The following DECR2 variants were observed in gnomAD, a reference collection of about 807,000 sequenced individuals.
The protein encoded by DECR2 is 2,4-dienoyl-CoA reductase 2, also known as peroxisomal 2,4-dienoyl-CoA reductase [(3E)-enoyl-CoA-producing].
Under a neutral mutation model 29.2 loss-of-function variants are expected in DECR2, and 34 were observed. The observed-to-expected ratio is 1.16, with a 90% confidence interval of 0.89 to 1.55. The LOEUF is 1.55. DECR2 is among the 40% of genes most tolerant of loss of function. DECR2 has a pLI of 0.00. For missense variants in DECR2, 485 were observed against 425.3 expected, an observed-to-expected ratio of 1.14 and a Z score of -1.23; for synonymous variants, 224 against 182.7, an observed-to-expected ratio of 1.23 and a Z score of -1.82.
In DECR2 at chr16:411,567, G is replaced by A. The variant is rs2054820090; in HGVS notation, c.868G>A (p.Ala290Thr). The A allele has an allele frequency of 9.3e-6, 15 of 1,612,514 alleles. No homozygotes were observed. The highest frequency in any genetic ancestry group is 1.3e-5 in the African/African-American group (1 of 75,074). ...KGLPDFASFS[A>T]KL Reference sequence around the variant, plus strand: ...GCTGCCGGATTTCGCATCCTTCTCTGCTAAGCTCTAGGTGAGGTACTGCTC... The same window carrying A: ...GCTGCCGGATTTCGCATCCTTCTCTACTAAGCTCTAGGTGAGGTACTGCTC... The change falls in exon 8 of 9, where the codon GCT (alanine) becomes ACT (threonine). Residue 290 changes from alanine (A) to threonine (T), a missense_variant. Ala to Thr is a moderately conservative substitution (Grantham distance 58, BLOSUM62 0). Transcript: ENST00000219481.
At chr16:407,249 C>A in intron 3 of DECR2, 176 bp from the exon 4 acceptor site, 2 of 1,416,416 alleles carry the variant, frequency 1.4e-6, no homozygotes, top group Non-Finnish European at 1.8e-6. Context: ...GGCAGGTTCC[C>A]ACAAACATCC....
chr16:411,827 C>T (rs897881227), intron 8 of DECR2, 63 bp from the exon 9 acceptor site: 1 of 481,706 alleles, frequency 2.1e-6, no homozygotes, highest in Non-Finnish European at 3.6e-6. Flanking sequence ...GTGGCCGAGG[C>T]AGCCGAGGTG....
chr16:410,349 C>CT lies in DECR2; in HGVS notation c.445dup (p.Tyr149LeufsTer2). 1 of 1,610,180 alleles carries CT rather than the reference C, an allele frequency of 6.2e-7. No homozygotes were observed. The highest frequency in any genetic ancestry group is 1.1e-5 in the South Asian group (1 of 90,986). ...GCACCTTCAATGTGTCTCGTGTGCT[C>CT]TATGAGAAGTTCTTCCGGGTGGGTG... On this transcript the variant is annotated frameshift_variant, in exon 5 of 9. Coordinates refer to ENST00000219481, the MANE Select transcript of DECR2 (RefSeq NM_020664.4). LOFTEE classifies it high-confidence loss of function. This position sits in a 1 kb window ranked among gnomAD's most constrained non-coding sequence, Gnocchi z 4.1.
rs2054802332 is a variant in DECR2 at position 410,542 on chromosome 16, C to CCTG, written c.463-149_463-148insCTG. 114 of 1,470,404 alleles carry CCTG rather than the reference C, an allele frequency of 7.8e-5. 8 individuals are homozygous for CCTG. Among genetic ancestry groups the CCTG allele is most frequent in the South Asian group, 2.1e-4 (17 of 81,006 alleles). The allele number at this position is 1,470,404 out of a possible 1,614,324, so 91.1% of individuals were successfully genotyped here. A position where few individuals can be genotyped will look rare whatever the true frequency, so the allele number is the denominator to read the frequency against. ...GCCCGCTCCCTGCCCTGGGCCTCCC[C>CCTG]ATGACGGCCGCCCGCTCCCTGCCCT... On this transcript the variant is annotated intron_variant, in intron 5 of 8. Transcript: ENST00000219481. The surrounding 1 kb of genome is among the most constrained non-coding windows in gnomAD (Gnocchi z 4.1).
rs559915457 is a variant in DECR2 at position 410,252 on chromosome 16, G to A, written c.347G>A (p.Gly116Glu). 1.9e-6 allele frequency: 3 copies of A among 1,613,122 alleles called. No individual in the cohort carries two copies. Among genetic ancestry groups the A allele is most frequent in the Non-Finnish European group, 2.5e-6 (3 of 1,179,666 alleles). The part of the protein sequence containing the change: ...RIDILINCAA[G>E]NFLCPAGALS... ...GTCTCCCATTCTGCAGGTGCGGCCG[G>A]GAACTTCCTGTGCCCCGCTGGCGCC... is the stretch of plus-strand genomic sequence containing the variant. Residue 116 changes from glycine to glutamate, a missense_variant, in exon 5 of 9, where the codon GGG becomes GAG. Gly to Glu is a moderately conservative substitution (Grantham distance 98). Coordinates refer to ENST00000219481, the MANE Select transcript of DECR2 (RefSeq NM_020664.4). The surrounding 1 kb of genome is among the most constrained non-coding windows in gnomAD (Gnocchi z 4.1).
chr16:402,029 C>G lies in DECR2; in HGVS notation c.66C>G (p.Cys22Trp). 6.8e-7 allele frequency: 1 copy of G among 1,474,662 alleles called. No homozygotes were observed. The highest frequency in any genetic ancestry group is 8.9e-7 in the Non-Finnish European group (1 of 1,118,196). The allele number at this position is 1,474,662 out of a possible 1,614,324, so 91.3% of individuals were successfully genotyped here. A position where few individuals can be genotyped will look rare whatever the true frequency, so the allele number is the denominator to read the frequency against. ...TCCCCGCGTACCGCCACCTCTTCTG[C>G]CCGGACCTGCTGCGGTGAGCGGGGC... ...DCLPAYRHLFCPDLLRDKVAF... is the reference protein window; with the variant it reads ...DCLPAYRHLFWPDLLRDKVAF... Residue 22 changes from cysteine to tryptophan, a missense_variant, in exon 1 of 9, where the codon TGC becomes TGG. Cys to Trp is a radical substitution (Grantham distance 215). Transcript: ENST00000219481.
chr16:410,872 T>C lies in DECR2; in HGVS notation c.556+88T>C, dbSNP rs891245056. The C allele has an allele frequency of 1.3e-6, 2 of 1,516,752 alleles. No individual in the cohort carries two copies. The highest frequency in any genetic ancestry group is 1.8e-6 in the Non-Finnish European group (2 of 1,122,034). The allele number at this position is 1,516,752 out of a possible 1,614,324, so 94.0% of individuals were successfully genotyped here. A position where few individuals can be genotyped will look rare whatever the true frequency, so the allele number is the denominator to read the frequency against. On this transcript the variant is annotated intron_variant, in intron 6 of 8. Coordinates refer to ENST00000219481, the MANE Select transcript of DECR2 (RefSeq NM_020664.4). The surrounding 1 kb of genome is among the most constrained non-coding windows in gnomAD (Gnocchi z 4.1). ...ATCCCAGGAGGCCAGCAGTCTCCAC[T>C]TGAAGCTGAGCCCAGCTGCAGGCAG...
chr16:407,765 CG>C lies in DECR2; in HGVS notation c.337+208del, dbSNP rs2054744991. Among the ~76,000 whole-genome samples, 22 of 146,182 alleles carry C rather than the reference CG, an allele frequency of 1.5e-4. 1 individual carries two copies. The highest frequency in any genetic ancestry group is 1.5e-3 in the East Asian group (7 of 4,810). On this transcript the variant is annotated intron_variant, in intron 4 of 8. Coordinates refer to ENST00000219481, the MANE Select transcript of DECR2 (RefSeq NM_020664.4). ...GGCCCCATCTCCGGCCCCCTGTCTC[CG>C]GGCCCCTGTCTCCGGGCCTCTGTCT...
At chr16:405,404 G>T in intron 2 of DECR2, 1 of 661,920 alleles carries the variant, frequency 1.5e-6, no homozygotes, top group South Asian at 1.9e-5. Context: ...AGGCTGGGGT[G>T]GGGGAAAGGG....
At chr16:411,828 A>C (rs2054823282) in intron 8 of DECR2, 62 bp from the exon 9 acceptor site, 2 of 481,282 alleles carry the variant, frequency 4.2e-6, no homozygotes, top group East Asian at 3.5e-5. Flanking sequence ...TGGCCGAGGC[A>C]GCCGAGGTGT....
At chr16:407,892 CCTGTCTCCGGGCCT>C (rs2054749921) in intron 4 of DECR2, among the ~76,000 whole-genome samples, 1 of 145,398 alleles carries the variant, frequency 6.9e-6, no homozygotes, top group African/African-American at 2.6e-5. Flanking sequence ...TCTCCGGCCC[CCTGTCTCCGGGCCT>C]CTGTCTCCGG....
chr16:410,944 CT>C lies in DECR2; in HGVS notation c.557-25del. ...CGCCCTCGCAGAGGGCAGAGCGGCC[CT>C]TTCATATCCAACTTTCTTCTGTGCA... On this transcript the variant is annotated intron_variant, in intron 6 of 8. Transcript: ENST00000219481. The surrounding 1 kb of genome is among the most constrained non-coding windows in gnomAD (Gnocchi z 4.1). 1 of 1,572,750 alleles carries C rather than the reference CT, an allele frequency of 6.4e-7. No homozygotes were observed. The highest frequency in any genetic ancestry group is 8.6e-7 in the Non-Finnish European group (1 of 1,159,240).
intron 4 of DECR2, among the ~76,000 whole-genome samples, chr16:409,279 C>G (rs1256075390): frequency 2.0e-5 from 3 of 152,094 alleles, no homozygotes; most frequent in East Asian, 1.9e-4. Context: ...TCATGCCATT[C>G]TCCTGCCTCA....
chr16:402,369 G>A (rs550189061), intron 1 of DECR2, among the ~76,000 whole-genome samples: 1 of 151,730 alleles, frequency 6.6e-6, no homozygotes, highest in Non-Finnish European at 1.5e-5. Context: ...CCTGACCTCA[G>A]GTGATCCACC....
chr16:406,538 C>CA, intron 3 of DECR2, 141 bp downstream of exon 3: 1 of 808,534 alleles, frequency 1.2e-6, no homozygotes, highest in Admixed American at 2.4e-5. Flanking sequence ...CGCTCTGTCA[C>CA]CCAGGCTGAA....
At chr16:408,453 C>T (rs2054769931) in intron 4 of DECR2, among the ~76,000 whole-genome samples, 1 of 152,028 alleles carries the variant, frequency 6.6e-6, no homozygotes, top group Non-Finnish European at 1.5e-5. Flanking sequence ...ACGCCATGAA[C>T]ACAGCTCAAT....
At chr16:402,661 A>G (rs954426456) in intron 1 of DECR2, among the ~76,000 whole-genome samples, 4 of 150,784 alleles carry the variant, frequency 2.7e-5, no homozygotes, top group East Asian at 1.9e-4. Flanking sequence ...CTTTTTTTCA[A>G]TTGGCAACAT....
At chr16:405,132 C>T in intron 2 of DECR2, 108 bp downstream of exon 2, 1 of 1,349,390 alleles carries the variant, frequency 7.4e-7, no homozygotes, top group Non-Finnish European at 1.1e-6. Context: ...GTCCCCTGCT[C>T]ACCTACCCGA....
At chr16:409,121 C>T (rs1439782757) in intron 4 of DECR2, among the ~76,000 whole-genome samples, 1 of 151,974 alleles carries the variant, frequency 6.6e-6, no homozygotes, top group Non-Finnish European at 1.5e-5. Flanking sequence ...CGTGAGCCGC[C>T]GCGCCTGGCC....
Sources: gnomAD v4.1 joint callset for allele counts (sites outside exome capture counted in the v4.1 genomes callset) on GRCh38, gnomAD v4.1.1 for gene constraint, Gnocchi (gnomAD v3.1) non-coding constraint, MANE v1.5 for transcripts, NCBI Gene and HGNC (gene_info 2026-07-23, HGNC 2026-07-21) for gene names.